Variants in GIT1 observed in about 807,000 individuals in gnomAD.
The protein encoded by GIT1 is ARF GTPase-activating protein GIT1.
Under a neutral mutation model 91.7 loss-of-function variants are expected in GIT1, and 14 were observed. The ratio of observed to expected loss-of-function variants is 0.15; its 90% CI spans 0.10 to 0.24. The LOEUF is 0.24. GIT1 is among the 10% of genes least tolerant of loss of function. The pLI is 1.00. For missense variants in GIT1, 717 were observed against 1,024.9 expected (o/e 0.70, Z 4.10); for synonymous variants, 414 against 418.2 (o/e 0.99, Z 0.12).
chr17:29,578,803 T>TTGGGAGGAGAGGAGAGACC (rs1163309921), intron 7 of GIT1, 24 bp from the exon 8 acceptor site: 1 of 1,612,504 alleles, frequency 6.2e-7, no homozygotes, highest in East Asian at 2.2e-5. Flanking sequence ...GAGATGGGAA[T>TTGGGAGGAGAGGAGAGACC]TGGGAGGAGA....
At chr17:29,577,791 A>C in intron 9 of GIT1, 49 bp from the exon 10 acceptor site, 2 of 1,155,592 alleles carry the variant, frequency 1.7e-6, no homozygotes, top group Non-Finnish European at 2.6e-6. Context: ...CAGGCCCCCA[A>C]GGTGGGGGTG....
intron 1 of GIT1, among the ~76,000 whole-genome samples, chr17:29,587,801 C>T (rs576433344): frequency 3.3e-4 from 50 of 152,270 alleles, no homozygotes; most frequent in South Asian, 1.5e-3. Context: ...GCCCCAGACT[C>T]CCCCGATTGG....
intron 1 of GIT1, among the ~76,000 whole-genome samples, chr17:29,585,762 C>G (rs992397318): frequency 6.6e-6 from 1 of 152,174 alleles, no homozygotes; most frequent in Non-Finnish European, 1.5e-5. Context: ...GTGAAGGGAT[C>G]CTTGCGTCAA....
chr17:29,587,862 G>A lies in GIT1; in HGVS notation c.52+1465C>T, dbSNP rs77839180. Among the ~76,000 whole-genome samples, 12 of 152,252 alleles carry A rather than the reference G, an allele frequency of 7.9e-5. No individual in the cohort carries two copies. In the East Asian group the frequency reaches 2.1e-3, roughly 27 times the overall value. ...TTCCATGCCATGCTTACCCCACGGAGTTGTGGAACAGTGGGGAGACATTTA... is the reference window on the plus strand; with the variant it reads ...TTCCATGCCATGCTTACCCCACGGAATTGTGGAACAGTGGGGAGACATTTA... On this transcript the variant is annotated intron_variant, in intron 1 of 19. Transcript: ENST00000225394.
chr17:29,584,539 A>G (rs3744626), intron 1 of GIT1, among the ~76,000 whole-genome samples: 37,992 of 152,188 alleles, frequency 0.25, 5,203 homozygotes, highest in East Asian at 0.43. Flanking sequence ...AGACAGCTGC[A>G]TACGACTCAG....
In GIT1 at chr17:29,575,558, A is replaced by C. The variant is rs2033162690; in HGVS notation, c.1826+72T>G. The C allele has an allele frequency of 3.0e-5, 47 of 1,561,064 alleles. No individual in the cohort carries two copies. Among genetic ancestry groups the C allele is most frequent in the Non-Finnish European group, 4.1e-5 (47 of 1,141,226 alleles). On this transcript the variant is annotated intron_variant, in intron 17 of 19. Coordinates refer to ENST00000225394, the MANE Select transcript of GIT1 (RefSeq NM_014030.4). The surrounding 1 kb of genome is among the most constrained non-coding windows in gnomAD (Gnocchi z 5.5). ...CGGAGCCGCCCGCCTTGGTCCTCAC[A>C]CACTGGGGGCCCTCTCAACCTCCCC... is the stretch of plus-strand genomic sequence containing the variant.
rs769487663 is a variant in GIT1, at chr17:29,575,948, C to G, written c.1666-50G>C. 1.9e-6 allele frequency: 3 copies of G among 1,552,716 alleles called. No individual in the cohort carries two copies. The African/African-American group carries it at 4.1e-5, about 21-fold the overall frequency. ...GGAGTCAGTGTGCCCCACTGCCCCC[C>G]TGCTCACCAGCAGTGCAGCAGGGAC... is the stretch of plus-strand genomic sequence containing the variant. On this transcript the variant is annotated intron_variant, in intron 15 of 19. Transcript: ENST00000225394. The surrounding 1 kb of genome is among the most constrained non-coding windows in gnomAD (Gnocchi z 5.5).
In GIT1 at chr17:29,581,225, G is replaced by C. The variant is rs1052884072; in HGVS notation, c.761+113C>G. The stretch of plus-strand genomic sequence containing the variant: ...GGACTAAGCTGTGCCTCTAGTCTCT[G>C]GGGGGAGGGAGCAGGGTCCTAGGCC... On this transcript the variant is annotated intron_variant, in intron 7 of 19. Transcript: ENST00000225394. This position sits in a 1 kb window ranked among gnomAD's most constrained non-coding sequence, Gnocchi z 4.8. 66 of 783,886 alleles carry C rather than the reference G, an allele frequency of 8.4e-5. No homozygotes were observed. In the African/African-American group the frequency reaches 9.3e-4, roughly 11 times the overall value. 48.6% of individuals were successfully genotyped at this position (783,886 alleles called of 1,614,324 possible).
chr17:29,583,643 C>T lies in GIT1; in HGVS notation c.53-27G>A, dbSNP rs200013052. ...TGCCAGGGTGAGGGCAAGGGTCAGCCGGAGCCAGATGATGGGCCAGACCTC... is the reference window on the plus strand; with the variant it reads ...TGCCAGGGTGAGGGCAAGGGTCAGCTGGAGCCAGATGATGGGCCAGACCTC... On this transcript the variant is annotated intron_variant, in intron 1 of 19. Transcript: ENST00000225394. 218 of 1,554,092 alleles carry T rather than the reference C, an allele frequency of 1.4e-4. 1 individual carries two copies. In the East Asian group the frequency reaches 1.9e-3, roughly 14 times the overall value.
rs959598913 is a variant in GIT1 at position 29,581,463 on chromosome 17, G to A, written c.719-83C>T. The A allele has an allele frequency of 1.8e-6, 2 of 1,092,990 alleles. No individual in the cohort carries two copies. Among genetic ancestry groups the A allele is most frequent in the African/African-American group, 1.5e-5 (1 of 65,152 alleles). 67.7% of individuals were successfully genotyped at this position (1,092,990 alleles called of 1,614,324 possible). On this transcript the variant is annotated intron_variant, in intron 6 of 19. Coordinates refer to ENST00000225394, the MANE Select transcript of GIT1 (RefSeq NM_014030.4). This position sits in a 1 kb window ranked among gnomAD's most constrained non-coding sequence, Gnocchi z 4.8. ...GGAGCCCACCTCACTGCCATGAGCA[G>A]GGCTGGCACCCAGAAGTGTCAGGGG...
rs2033741663 is a variant in GIT1, at chr17:29,589,614, T to C, written c.-236A>G. Reference sequence around the variant, plus strand: ...CCGCCCCGCCGCCGCTCGCGGCTCCTCTCTCCGCCCCCTGCGCGGCTCCCG... The same window carrying C: ...CCGCCCCGCCGCCGCTCGCGGCTCCCCTCTCCGCCCCCTGCGCGGCTCCCG... On this transcript the variant is annotated 5_prime_UTR_variant, in exon 1 of 20. Coordinates refer to ENST00000225394, the MANE Select transcript of GIT1 (RefSeq NM_014030.4). This position sits in a 1 kb window ranked among gnomAD's most constrained non-coding sequence, Gnocchi z 5.2. 6.7e-6 allele frequency: 1 copy of C among 148,424 alleles called. No homozygotes were observed. The highest frequency in any genetic ancestry group is 1.5e-5 in the Non-Finnish European group (1 of 66,554). The allele number at this position is 148,424 out of a possible 1,614,324, so 9.2% of individuals were successfully genotyped here.
In GIT1 at chr17:29,583,515, G is replaced by A. The variant is rs2033475711; in HGVS notation, c.154C>T (p.Arg52Cys). 6.8e-6 allele frequency: 11 copies of A among 1,612,336 alleles called. No individual in the cohort carries two copies. The highest frequency in any genetic ancestry group is 2.7e-5 in the African/African-American group (2 of 74,902). Residue 52 changes from arginine to cysteine, a missense_variant, in exon 2 of 20, where the codon CGC (arginine) becomes TGC (cysteine). Transcript: ENST00000225394. ...GRHISIVKHL[R>C]HSAWPPTLLQ... is the part of the protein sequence containing the mutation. ...AGCGTGGGAGGCCAGGCGCTGTGGC[G>A]AAGGTGCTTGACAATGGAGATGTGG...
At chr17:29,580,119 G>C (rs1166255058) in intron 7 of GIT1, among the ~76,000 whole-genome samples, 3 of 152,134 alleles carry the variant, frequency 2.0e-5, no homozygotes, top group Non-Finnish European at 4.4e-5. Context: ...ACCTGGCTAG[G>C]CTGCCTCCCC....
chr17:29,575,796 G>C lies in GIT1; in HGVS notation c.1752+16C>G, dbSNP rs1226530703. On this transcript the variant is annotated intron_variant, in intron 16 of 19. Coordinates refer to ENST00000225394, the MANE Select transcript of GIT1 (RefSeq NM_014030.4). This position sits in a 1 kb window ranked among gnomAD's most constrained non-coding sequence, Gnocchi z 5.5. ...GCCCCCAGCCACCCTGTGGGCACTGGGCATGGAAACATTACCGTGTGGCGG... is the reference window on the plus strand; with the variant it reads ...GCCCCCAGCCACCCTGTGGGCACTGCGCATGGAAACATTACCGTGTGGCGG... 2 of 1,612,444 alleles carry C rather than the reference G, an allele frequency of 1.2e-6. No homozygotes were observed. Among genetic ancestry groups the C allele is most frequent in the Non-Finnish European group, 1.7e-6 (2 of 1,178,918 alleles).
intron 1 of GIT1, among the ~76,000 whole-genome samples, chr17:29,585,742 G>A (rs1301160395): frequency 6.6e-6 from 1 of 152,164 alleles, no homozygotes; most frequent in East Asian, 1.9e-4. Flanking sequence ...TACCCAGATT[G>A]TAGTTTAAGG....
At chr17:29,582,208 C>G in intron 4 of GIT1, 64 bp from the exon 5 acceptor site, 1 of 1,276,044 alleles carries the variant, frequency 7.8e-7, no homozygotes, top group Non-Finnish European at 1.1e-6. Flanking sequence ...CACCCACAAG[C>G]TGCACCCTGG....
At position 29,576,513 on chromosome 17, in the gene GIT1, C is replaced by T. The variant is rs753552159; in HGVS notation, c.1380+9G>A. On this transcript the variant is annotated intron_variant, in intron 13 of 19. Transcript: ENST00000225394. ...GGGGCTCCCCCTCCCACCGAGGCTG[C>T]ACCCTCACCTCTCGCTGCAGCCTCC... The T allele has an allele frequency of 2.5e-6, 4 of 1,613,806 alleles. No homozygotes were observed. Among genetic ancestry groups the T allele is most frequent in the Admixed American group, 1.7e-5 (1 of 60,028 alleles).
chr17:29,580,165 G>C (rs2150840065), intron 7 of GIT1, among the ~76,000 whole-genome samples: 1 of 152,364 alleles, frequency 6.6e-6, no homozygotes, highest in Middle Eastern at 3.4e-3. Context: ...CAGGGATTGT[G>C]TCTCAGCTGC....
At position 29,574,494 on chromosome 17, in the gene GIT1, T is replaced by A; in HGVS notation, c.*208A>T. 1.6e-6 allele frequency: 1 copy of A among 632,892 alleles called. No individual in the cohort carries two copies. The highest frequency in any genetic ancestry group is 2.6e-5 in the Admixed American group (1 of 38,152). The allele number at this position is 632,892 out of a possible 1,614,324, so 39.2% of individuals were successfully genotyped here. On this transcript the variant is annotated 3_prime_UTR_variant, in exon 20 of 20. Transcript: ENST00000225394. Reference sequence around the variant, plus strand: ...ATACAGAGGGGAGGTGCATGGAATGTGGGGGACAGAAGCTCCTGCCCCCCC... The same window carrying A: ...ATACAGAGGGGAGGTGCATGGAATGAGGGGGACAGAAGCTCCTGCCCCCCC...
Sources: allele counts gnomAD v4.1 joint callset (sites outside exome capture counted in the v4.1 genomes callset), GRCh38; gene constraint gnomAD v4.1.1; non-coding constraint Gnocchi (gnomAD v3.1); transcripts MANE v1.5; gene names NCBI Gene and HGNC (gene_info 2026-07-23, HGNC 2026-07-21).